CDH17: variants seen among roughly 807,000 people sequenced by gnomAD.
The protein encoded by CDH17 is cadherin-17.
A neutral mutation model predicts 86.3 loss-of-function variants in CDH17; 67 were observed. That is an observed-to-expected ratio of 0.78 (90% CI 0.64 to 0.95). The LOEUF (loss-of-function observed/expected upper bound fraction) is 0.95, where lower values mean the gene tolerates loss of function less well. CDH17 is among the 40% of genes least tolerant of loss of function. CDH17 has a pLI of 0.00. For synonymous variants in CDH17, 367 were observed against 366.4 expected (o/e 1.00, Z -0.02); for missense variants, 993 against 1,017.6 (o/e 0.98, Z 0.33).
chr8:94,188,135 T>C (rs1347719551), intron 3 of CDH17, among the ~76,000 whole-genome samples: 2 of 152,172 alleles, frequency 1.3e-5, no homozygotes, highest in Non-Finnish European at 2.9e-5. Context: ...CCACAGATAC[T>C]GAAGGCCCTT....
At chr8:94,154,490 T>C (rs776794517) in intron 12 of CDH17, among the ~76,000 whole-genome samples, 1 of 152,074 alleles carries the variant, frequency 6.6e-6, no homozygotes, top group Admixed American at 6.6e-5. Context: ...TTTAAACTCA[T>C]GGAGGATGGG....
intron 3 of CDH17, among the ~76,000 whole-genome samples, chr8:94,181,135 A>T (rs1305327050): frequency 6.6e-6 from 1 of 152,176 alleles, no homozygotes; most frequent in African/African-American, 2.4e-5. Flanking sequence ...ATCCATCAAG[A>T]AACCATAGCA....
intron 1 of CDH17, among the ~76,000 whole-genome samples, chr8:94,200,913 C>T (rs1022997264): frequency 2.6e-5 from 4 of 152,070 alleles, no homozygotes; most frequent in Non-Finnish European, 5.9e-5. Flanking sequence ...GGAGCAGATG[C>T]TATTATAATA....
upstream of CDH17, among the ~76,000 whole-genome samples, chr8:94,210,871 A>C (rs11777372): frequency 0.43 from 65,098 of 151,578 alleles, 14,943 homozygotes; most frequent in Middle Eastern, 0.54. Context: ...AAATGCAAAA[A>C]TTAGCCAGGT....
At position 94,173,846 on chromosome 8, in the gene CDH17, A is replaced by T; in HGVS notation, c.734T>A (p.Val245Glu). ...ATCAGTTGAGTTTTCCACCATCTCCACAGGTTTTGGTGCTTTCCAAATATT... is the reference window on the plus strand; with the variant it reads ...ATCAGTTGAGTTTTCCACCATCTCCTCAGGTTTTGGTGCTTTCCAAATATT... ...TENIWKAPKPVEMVENSTDPH... is the reference protein window; with the variant it reads ...TENIWKAPKPEEMVENSTDPH... Residue 245 changes from valine to glutamate, a missense_variant, in exon 7 of 18, where the codon GTG becomes GAG. Transcript: ENST00000027335. 6.2e-7 allele frequency: 1 copy of T among 1,613,910 alleles called. No individual in the cohort carries two copies. The highest frequency in any genetic ancestry group is 8.5e-7 in the Non-Finnish European group (1 of 1,179,868).
intron 15 of CDH17, among the ~76,000 whole-genome samples, chr8:94,138,593 G>T (rs1469800886): frequency 6.6e-6 from 1 of 152,126 alleles, no homozygotes; most frequent in Non-Finnish European, 1.5e-5. Flanking sequence ...GATTTATAGA[G>T]GGGTCTCTTA....
At chr8:94,192,350 C>T (rs1424075281) in intron 2 of CDH17, among the ~76,000 whole-genome samples, 4 of 152,222 alleles carry the variant, frequency 2.6e-5, no homozygotes, top group Admixed American at 2.6e-4. Flanking sequence ...CGTTTTCCAT[C>T]TTGCACAAAG....
At chr8:94,159,440 T>TGCCTG (rs1813006210) in intron 12 of CDH17, among the ~76,000 whole-genome samples, 1 of 152,122 alleles carries the variant, frequency 6.6e-6, no homozygotes, top group African/African-American at 2.4e-5. Context: ...AAGGTATCTC[T>TGCCTG]GCCTGGCACA....
chr8:94,177,809 T>A (rs555060596), intron 3 of CDH17, 88 bp from the exon 4 acceptor site: 2 of 1,303,488 alleles, frequency 1.5e-6, no homozygotes, highest in South Asian at 1.4e-5. Flanking sequence ...CAGGTAAAAT[T>A]TTCATTGGTT....
intron 15 of CDH17, among the ~76,000 whole-genome samples, chr8:94,132,264 C>A (rs1464875733): frequency 6.6e-6 from 1 of 152,202 alleles, no homozygotes; most frequent in Non-Finnish European, 1.5e-5. Flanking sequence ...CTGTCTTCCA[C>A]AATGGTTGAA....
At chr8:94,170,826 G>T in intron 8 of CDH17, 28 bp downstream of exon 8, 1 of 1,606,316 alleles carries the variant, frequency 6.2e-7, no homozygotes. Flanking sequence ...TTGTCTTGTC[G>T]CCTGTGAAAC....
chr8:94,199,746 C>G (rs1813868626), intron 1 of CDH17, among the ~76,000 whole-genome samples: 1 of 152,158 alleles, frequency 6.6e-6, no homozygotes, highest in Admixed American at 6.5e-5. Context: ...GACAAATCTA[C>G]CACACCATGC....
intron 1 of CDH17, among the ~76,000 whole-genome samples, chr8:94,207,144 C>T (rs1026391344): frequency 6.6e-5 from 10 of 152,148 alleles, no homozygotes; most frequent in African/African-American, 2.4e-4. Context: ...TTTTATTATT[C>T]TCATATTTTT....
chr8:94,165,712 TA>T, intron 10 of CDH17, 48 bp downstream of exon 10: 1 of 1,237,074 alleles, frequency 8.1e-7, no homozygotes, highest in South Asian at 1.2e-5. Flanking sequence ...AACTCATAGC[TA>T]GAAGGAAAAC....
intron 3 of CDH17, among the ~76,000 whole-genome samples, chr8:94,187,677 C>T (rs1481659527): frequency 1.3e-5 from 2 of 152,066 alleles, no homozygotes; most frequent in Non-Finnish European, 2.9e-5. Flanking sequence ...TCTCTGTGGC[C>T]TCCTCTCCCA....
intron 13 of CDH17, 37 bp downstream of exon 13, chr8:94,151,831 C>G: frequency 8.1e-6 from 13 of 1,611,836 alleles, no homozygotes; most frequent in Non-Finnish European, 1.1e-5. Context: ...CTTTGGTGAC[C>G]ACGCAGCCAG....
At chr8:94,144,608 AC>A (rs1812703735) in intron 15 of CDH17, among the ~76,000 whole-genome samples, 1 of 152,308 alleles carries the variant, frequency 6.6e-6, no homozygotes, top group Non-Finnish European at 1.5e-5. Context: ...AACTTTAGGG[AC>A]CCTAAGTTTG....
intron 2 of CDH17, 121 bp downstream of exon 2, chr8:94,194,514 C>T (rs2130670314): frequency 1.4e-6 from 1 of 720,896 alleles, no homozygotes; most frequent in East Asian, 2.7e-5. Context: ...TATACAACAA[C>T]TTAATTTTGA....
chr8:94,155,631 A>G (rs1407634207), intron 12 of CDH17, among the ~76,000 whole-genome samples: 5 of 152,166 alleles, frequency 3.3e-5, no homozygotes, highest in Non-Finnish European at 7.4e-5. Context: ...GTATTACCAG[A>G]AGAGAACGTG....
Sources: allele counts gnomAD v4.1 joint callset (sites outside exome capture counted in the v4.1 genomes callset), GRCh38; gene constraint gnomAD v4.1.1; transcripts MANE v1.5; gene names NCBI Gene and HGNC (gene_info 2026-07-23, HGNC 2026-07-21).